Variants in IL6R observed in about 807,000 individuals in gnomAD.
IL6R encodes interleukin-6 receptor subunit alpha.
In IL6R, 38 loss-of-function variants were observed where a neutral mutation model predicts 48.3. That is an observed-to-expected ratio of 0.79 (90% confidence interval 0.61 to 1.03). The LOEUF (loss-of-function observed/expected upper bound fraction) is 1.03, where lower values mean the gene tolerates loss of function less well. Among genes scored for constraint, IL6R ranks in the 50% least tolerant of loss-of-function variants. The pLI is 0.00. For missense variants in IL6R, 534 were observed against 618.3 expected (o/e 0.86, Z 1.45); for synonymous variants, 264 against 256.2 (o/e 1.03, Z -0.29).
intron 1 of IL6R, among the ~76,000 whole-genome samples, chr1:154,411,273 G>A (rs1688004061): frequency 6.6e-6 from 1 of 152,128 alleles, no homozygotes; most frequent in South Asian, 2.1e-4. Flanking sequence ...TGCCAGTCTG[G>A]TCTCGAACTC....
intron 3 of IL6R, among the ~76,000 whole-genome samples, chr1:154,431,938 T>G (rs1165296486): frequency 1.3e-5 from 2 of 152,164 alleles, no homozygotes; most frequent in African/African-American, 4.8e-5. Flanking sequence ...TTATGGAATT[T>G]CCCATTTAAT....
Position 154,405,772 on chromosome 1 carries a change from C to T in IL6R, c.85+58C>T. ...GCAGCTAGCGGCTGGGGGAAACCGCCTTGGTCACCGCAGTCTGTGGGAGGC... is the reference window on the plus strand; with the variant it reads ...GCAGCTAGCGGCTGGGGGAAACCGCTTTGGTCACCGCAGTCTGTGGGAGGC... On this transcript the variant is annotated intron_variant, in intron 1 of 9. Coordinates refer to ENST00000368485, the MANE Select transcript of IL6R (RefSeq NM_000565.4). This position sits in a 1 kb window ranked among gnomAD's most constrained non-coding sequence, Gnocchi z 5.2. The T allele has an allele frequency of 8.0e-7, 1 of 1,244,226 alleles. No individual in the cohort carries two copies. The highest frequency in any genetic ancestry group is 1.1e-6 in the Non-Finnish European group (1 of 941,494). The allele number at this position is 1,244,226 out of a possible 1,614,324, so 77.1% of individuals were successfully genotyped here. A position where few individuals can be genotyped will look rare whatever the true frequency, so the allele number is the denominator to read the frequency against.
At chr1:154,423,259 A>AT (rs1688781342) in intron 1 of IL6R, among the ~76,000 whole-genome samples, 2 of 126,540 alleles carry the variant, frequency 1.6e-5, no homozygotes, top group Middle Eastern at 3.8e-3. Context: ...TTGTTTAATT[A>AT]AATATATATA....
intron 3 of IL6R, among the ~76,000 whole-genome samples, chr1:154,432,401 A>T (rs920186521): frequency 7.0e-6 from 1 of 142,288 alleles, no homozygotes; most frequent in Non-Finnish European, 1.5e-5. Context: ...TCTGTCGCCC[A>T]GGCTGGAGTG....
At chr1:154,413,986 T>C (rs912780059) in intron 1 of IL6R, among the ~76,000 whole-genome samples, 8 of 151,848 alleles carry the variant, frequency 5.3e-5, no homozygotes, top group African/African-American at 9.7e-5. Flanking sequence ...ACTCAAAAGA[T>C]TGGGGCTTTT....
At chr1:154,408,418 C>T (rs1055534515) in intron 1 of IL6R, among the ~76,000 whole-genome samples, 31 of 152,108 alleles carry the variant, frequency 2.0e-4, no homozygotes, top group African/African-American at 7.2e-4. Context: ...TAAAAGGAGC[C>T]TGAAAATGGT....
chr1:154,452,571 G>A (rs1008199119), intron 8 of IL6R, among the ~76,000 whole-genome samples: 5 of 152,116 alleles, frequency 3.3e-5, no homozygotes, highest in East Asian at 3.9e-4. Flanking sequence ...GGTGGCTCAC[G>A]CCTGTAATCC....
intron 6 of IL6R, 26 bp from the exon 7 acceptor site, chr1:154,448,099 A>G: frequency 6.2e-7 from 1 of 1,605,432 alleles, no homozygotes; most frequent in Non-Finnish European, 8.5e-7. Context: ...TGAATCACTA[A>G]TAATGAGCCT....
At chr1:154,443,773 C>T (rs865846796) in intron 6 of IL6R, among the ~76,000 whole-genome samples, 2 of 152,204 alleles carry the variant, frequency 1.3e-5, no homozygotes, top group African/African-American at 2.4e-5. Context: ...GCCTTTCACC[C>T]GTATCTCCTG....
chr1:154,440,194 G>A (rs1300838604), intron 6 of IL6R, among the ~76,000 whole-genome samples: 1 of 152,162 alleles, frequency 6.6e-6, no homozygotes, highest in East Asian at 1.9e-4. Flanking sequence ...TTAGCATAAT[G>A]TCCTCAAGGT....
intron 9 of IL6R, 125 bp from the exon 10 acceptor site, chr1:154,465,009 C>T (rs1691475502): frequency 9.7e-7 from 1 of 1,036,026 alleles, no homozygotes. Context: ...AGTTATTGCT[C>T]CTTTGAGCCG....
At chr1:154,452,527 A>C (rs2149266614) in intron 8 of IL6R, among the ~76,000 whole-genome samples, 1 of 152,216 alleles carries the variant, frequency 6.6e-6, no homozygotes, top group South Asian at 2.1e-4. Context: ...TTTTCCTGAT[A>C]ATTTTTTTAA....
intron 3 of IL6R, among the ~76,000 whole-genome samples, chr1:154,433,661 C>T (rs888560957): frequency 3.2e-4 from 49 of 152,114 alleles, no homozygotes; most frequent in African/African-American, 1.2e-3. Flanking sequence ...GTGCCAGGCG[C>T]TAGGCTACAT....
At chr1:154,462,750 T>A (rs1442902707) in intron 9 of IL6R, among the ~76,000 whole-genome samples, 1 of 152,130 alleles carries the variant, frequency 6.6e-6, no homozygotes, top group Non-Finnish European at 1.5e-5. Flanking sequence ...TACTCCTAAT[T>A]GGTGGCACCC....
At chr1:154,437,433 A>G in intron 6 of IL6R, 2 of 366,530 alleles carry the variant, frequency 5.5e-6, no homozygotes, top group Non-Finnish European at 5.7e-6. Context: ...TTTTTTTTGA[A>G]GACAGGCTTT....
intron 6 of IL6R, among the ~76,000 whole-genome samples, chr1:154,440,537 G>C (rs982518929): frequency 3.9e-5 from 6 of 152,064 alleles, no homozygotes; most frequent in African/African-American, 1.4e-4. Context: ...AAGGGTTCCA[G>C]TTTCTCCACA....
At chr1:154,424,521 G>C (rs1035807072) in intron 1 of IL6R, among the ~76,000 whole-genome samples, 3 of 152,170 alleles carry the variant, frequency 2.0e-5, no homozygotes, top group African/African-American at 7.2e-5. Context: ...AGTTCTCTTT[G>C]GGCACTGTTT....
intron 1 of IL6R, chr1:154,414,577 T>C (rs1688222961): frequency 1.3e-6 from 1 of 749,538 alleles, no homozygotes. Flanking sequence ...AGGGATTTTC[T>C]CATAGGCTTT....
intron 8 of IL6R, among the ~76,000 whole-genome samples, 172 bp downstream of exon 8, chr1:154,450,152 G>A (rs1381264506): frequency 6.7e-6 from 1 of 149,048 alleles, no homozygotes; most frequent in Non-Finnish European, 1.5e-5. Context: ...GTTGGAGAGA[G>A]TCTTGCTCGG....
Sources: allele counts gnomAD v4.1 joint callset (sites outside exome capture counted in the v4.1 genomes callset), GRCh38; gene constraint gnomAD v4.1.1; non-coding constraint Gnocchi (gnomAD v3.1); transcripts MANE v1.5; gene names NCBI Gene and HGNC (gene_info 2026-07-23, HGNC 2026-07-21).